The following MROH1 variants were observed in gnomAD, a reference collection of about 807,000 sequenced individuals.
MROH1 encodes the protein maestro heat-like repeat-containing protein family member 1.
A neutral mutation model predicts 116.5 loss-of-function variants in MROH1; 117 were observed. The observed-to-expected ratio is 1.00, with a 90% confidence interval of 0.86 to 1.17. MROH1 has a LOEUF of 1.17. Among genes scored for constraint, MROH1 ranks in the 50% most tolerant of loss-of-function variants. The probability of loss-of-function intolerance (pLI) is 0.00; values close to 1 mark genes in which losing one functional copy is unlikely to be tolerated. For missense variants in MROH1, 1,873 were observed against 1,338.5 expected, an observed-to-expected ratio of 1.40 and a Z score of -6.23; for synonymous variants, 921 against 583.9, an observed-to-expected ratio of 1.58 and a Z score of -8.32.
chr8:144,153,228 C>T (rs1226586621), intron 1 of MROH1, among the ~76,000 whole-genome samples: 1 of 151,518 alleles, frequency 6.6e-6, no homozygotes, highest in African/African-American at 2.4e-5. Flanking sequence ...TGGAGTTTCA[C>T]TCTTGTTGCC....
In MROH1 at chr8:144,244,251, C is replaced by T. The variant is rs1026992499; in HGVS notation, c.2585C>T (p.Ala862Val). 5 of 718,198 alleles carry T rather than the reference C, an allele frequency of 7.0e-6. No individual in the cohort carries two copies. The highest frequency in any genetic ancestry group is 4.7e-4 in the Middle Eastern group (2 of 4,262). 44.5% of individuals were successfully genotyped at this position (718,198 alleles called of 1,614,324 possible). ...VSVEPALDEQARADVIHGCLH... is the reference protein window; with the variant it reads ...VSVEPALDEQVRADVIHGCLH... Reference sequence around the variant, plus strand: ...GTGGAGCCAGCGCTGGACGAGCAGGCCCGGGCGGATGTGATCCATGGCTGC... The same window carrying T: ...GTGGAGCCAGCGCTGGACGAGCAGGTCCGGGCGGATGTGATCCATGGCTGC... Residue 862 changes from alanine (A) to valine (V), a missense_variant, in exon 27 of 44, where the codon GCC becomes GTC. Physicochemically the swap from Ala to Val is moderately conservative, Grantham distance 64. Transcript: ENST00000326134.
At chr8:144,159,065 C>T (rs1818853796) in intron 1 of MROH1, among the ~76,000 whole-genome samples, 1 of 152,136 alleles carries the variant, frequency 6.6e-6, no homozygotes. Context: ...CTTGTTCTAA[C>T]AGAGACAGAG....
At chr8:144,234,208 A>G (rs567427795) in intron 14 of MROH1, among the ~76,000 whole-genome samples, 1 of 151,958 alleles carries the variant, frequency 6.6e-6, no homozygotes, top group Non-Finnish European at 1.5e-5. Flanking sequence ...ACGGGGTTTC[A>G]CCGTGTTAGC....
At chr8:144,189,254 G>A (rs558391252) in intron 7 of MROH1, among the ~76,000 whole-genome samples, 153 of 152,216 alleles carry the variant, frequency 1.0e-3, no homozygotes, top group African/African-American at 3.5e-3. Flanking sequence ...CTCCCCGTGC[G>A]GTGGGTGCAT....
chr8:144,224,863 C>A (rs1837498055), intron 14 of MROH1, among the ~76,000 whole-genome samples: 1 of 152,136 alleles, frequency 6.6e-6, no homozygotes, highest in Non-Finnish European at 1.5e-5. Flanking sequence ...CTGGAGCAGG[C>A]AGGTGCAGGG....
In MROH1 at chr8:144,255,718, C is replaced by T. The variant is rs1387820318; in HGVS notation, c.3791+13C>T. On this transcript the variant is annotated intron_variant, in intron 35 of 43. Coordinates refer to ENST00000326134, the MANE Select transcript of MROH1 (RefSeq NM_032450.3). Reference sequence around the variant, plus strand: ...TGGAACCCTGCAGGTATCTGGGTCCCCACTTCCCACCTCCAGTACTGATTC... The same window carrying T: ...TGGAACCCTGCAGGTATCTGGGTCCTCACTTCCCACCTCCAGTACTGATTC... 3.0e-5 allele frequency: 22 copies of T among 743,150 alleles called. No individual in the cohort carries two copies. In the East Asian group the frequency reaches 3.3e-4, roughly 11 times the overall value. 46.0% of individuals were successfully genotyped at this position (743,150 alleles called of 1,614,324 possible). A position where few individuals can be genotyped will look rare whatever the true frequency, so the allele number is the denominator to read the frequency against.
chr8:144,248,809 G>T, intron 31 of MROH1, 68 bp from the exon 32 acceptor site: 2 of 747,794 alleles, frequency 2.7e-6, no homozygotes, highest in Non-Finnish European at 5.0e-6. Context: ...CCTGAGACCC[G>T]ATGCCTAACA....
chr8:144,227,886 G>A (rs148690371), intron 14 of MROH1, among the ~76,000 whole-genome samples: 2 of 152,176 alleles, frequency 1.3e-5, no homozygotes, highest in East Asian at 1.9e-4. Context: ...CCAGGGAGTC[G>A]AGGCTGCAGT....
At chr8:144,150,063 G>C (rs1046430702) in intron 1 of MROH1, among the ~76,000 whole-genome samples, 1 of 152,030 alleles carries the variant, frequency 6.6e-6, no homozygotes, top group Admixed American at 6.6e-5. Flanking sequence ...ACTGCTTCTG[G>C]GCTATTGATT....
intron 1 of MROH1, among the ~76,000 whole-genome samples, chr8:144,149,637 T>A (rs1280713659): frequency 2.0e-5 from 3 of 152,102 alleles, no homozygotes; most frequent in Non-Finnish European, 4.4e-5. Context: ...GGGGTAGAGA[T>A]CCTCTGTCTG....
At chr8:144,194,314 C>T (rs1265442727) in intron 10 of MROH1, among the ~76,000 whole-genome samples, 1 of 152,188 alleles carries the variant, frequency 6.6e-6, no homozygotes, top group East Asian at 1.9e-4. Flanking sequence ...CCCCCTGCTT[C>T]AGCCTCCCAA....
At chr8:144,223,579 G>A (rs1450355402) in intron 14 of MROH1, among the ~76,000 whole-genome samples, 1 of 152,202 alleles carries the variant, frequency 6.6e-6, no homozygotes, top group Non-Finnish European at 1.5e-5. Flanking sequence ...CCTCTCAGCA[G>A]CTCCCAGGAC....
chr8:144,167,164 CTTGTTGGGGTGGAGTGGCCGG>C (rs1481971268), intron 3 of MROH1, among the ~76,000 whole-genome samples: 37 of 151,900 alleles, frequency 2.4e-4, no homozygotes, highest in African/African-American at 8.0e-4. Flanking sequence ...CCTGGAGGGT[CTTGTTGGGGTGGAGTGGCCGG>C]TTGTTGGGGT....
chr8:144,181,288 G>GAGGGGCCCGGTGATGGGGA (rs2131355130), intron 7 of MROH1, among the ~76,000 whole-genome samples: 1 of 151,706 alleles, frequency 6.6e-6, no homozygotes, highest in Admixed American at 6.6e-5. Flanking sequence ...AGTGATGGGG[G>GAGGGGCCCGGTGATGGGGA]AGGGGCCCGG....
At chr8:144,241,332 G>A (rs1840946414) in intron 21 of MROH1, 63 bp from the exon 22 acceptor site, 2 of 724,346 alleles carry the variant, frequency 2.8e-6, no homozygotes, top group Non-Finnish European at 5.1e-6. Flanking sequence ...ACACGTGACA[G>A]TGTGCGTGCA....
At position 144,219,062 on chromosome 8, in the gene MROH1, G is replaced by A. The variant is rs370871214; in HGVS notation, c.1142-1538G>A. 1.1e-4 allele frequency among the ~76,000 whole-genome samples: 17 copies of A among 149,002 alleles called. No individual in the cohort carries two copies. The East Asian group carries it at 3.3e-3, about 29-fold the overall frequency. ...TTTTGAGACAGAGTCTCGCTCTGTC[G>A]CCCAGGCTGGAGTGCAGTGGTGCGA... On this transcript the variant is annotated intron_variant, in intron 12 of 43. Transcript: ENST00000326134.
At chr8:144,175,425 C>G in intron 4 of MROH1, 23 of 904,118 alleles carry the variant, frequency 2.5e-5, no homozygotes, top group Non-Finnish European at 3.0e-5. Context: ...GCTCCCAGCT[C>G]AGCCATGCTC....
chr8:144,155,876 A>C (rs1423996283), intron 1 of MROH1, among the ~76,000 whole-genome samples: 1 of 151,494 alleles, frequency 6.6e-6, no homozygotes, highest in Admixed American at 6.6e-5. Context: ...CAAGTGATCC[A>C]TCTGCCTCAG....
chr8:144,212,917 T>C (rs1305371998), intron 12 of MROH1: 1 of 715,068 alleles, frequency 1.4e-6, no homozygotes, highest in African/African-American at 1.7e-5. Context: ...TCTATCTCTG[T>C]TCTCAGGAAT....
Sources: allele counts gnomAD v4.1 joint callset (sites outside exome capture counted in the v4.1 genomes callset), GRCh38; gene constraint gnomAD v4.1.1; transcripts MANE v1.5; gene names NCBI Gene and HGNC (gene_info 2026-07-23, HGNC 2026-07-21).